The following DNAJC10 variants were observed in gnomAD, a reference collection of about 807,000 sequenced individuals.
DNAJC10 encodes DnaJ heat shock protein family (Hsp40) member C10.
In DNAJC10, 101 loss-of-function variants were observed where a neutral mutation model predicts 115.0. That is an observed-to-expected ratio of 0.88 (90% CI 0.75 to 1.04). The LOEUF is 1.04. Ranked by LOEUF, DNAJC10 falls within the 50% of genes least tolerant of loss-of-function variation. The pLI, the probability that DNAJC10 is intolerant of heterozygous loss-of-function variation, is 0.00. For missense variants in DNAJC10, 981 were observed against 928.8 expected, an observed-to-expected ratio of 1.06 and a Z score of -0.73; for synonymous variants, 307 against 301.5, an observed-to-expected ratio of 1.02 and a Z score of -0.19.
At position 182,780,940 on chromosome 2, in the gene DNAJC10, C is replaced by T. The variant is rs139891774; in HGVS notation, c.*3808C>T. The T allele has an allele frequency of 2.7e-5, 4 of 150,692 alleles. No homozygotes were observed. Among genetic ancestry groups the T allele is most frequent in the African/African-American group, 9.8e-5 (4 of 40,744 alleles). 9.3% of individuals were successfully genotyped at this position (150,692 alleles called of 1,614,324 possible). ...TCCCCAAAAAGGTCTGTGTTAATAA[C>T]TGATAGACAATCTTCATTAAGCAAC... is the stretch of plus-strand genomic sequence containing the variant. On this transcript the variant is annotated 3_prime_UTR_variant, in exon 24 of 24. Coordinates refer to ENST00000264065, the MANE Select transcript of DNAJC10 (RefSeq NM_018981.4).
intron 3 of DNAJC10, among the ~76,000 whole-genome samples, chr2:182,718,928 CAT>C (rs1558993801): frequency 1.3e-5 from 2 of 151,996 alleles, no homozygotes; most frequent in African/African-American, 2.4e-5. Flanking sequence ...AACAAGAAGA[CAT>C]AGTTATAATT....
chr2:182,726,276 GATCTCATTATAATATAATT>G (rs1311362766), intron 5 of DNAJC10, among the ~76,000 whole-genome samples: 2 of 152,070 alleles, frequency 1.3e-5, no homozygotes, highest in Admixed American at 6.5e-5. Context: ...TCATTATAAT[GATCTCATTATAATATAATT>G]ATCTCATTAT....
At chr2:182,731,888 C>A (rs1693456583) in intron 9 of DNAJC10, among the ~76,000 whole-genome samples, 1 of 152,106 alleles carries the variant, frequency 6.6e-6, no homozygotes, top group Non-Finnish European at 1.5e-5. Context: ...TCATTTTGGC[C>A]TATTGCCCAA....
At chr2:182,751,970 A>T (rs1165003835) in intron 15 of DNAJC10, 102 bp from the exon 16 acceptor site, 2 of 1,225,852 alleles carry the variant, frequency 1.6e-6, no homozygotes, top group Non-Finnish European at 1.2e-6. Flanking sequence ...GTTTGCCGCT[A>T]AGTACAGTTT....
chr2:182,748,764 A>T (rs900118422), intron 14 of DNAJC10, among the ~76,000 whole-genome samples: 3 of 151,626 alleles, frequency 2.0e-5, no homozygotes, highest in Admixed American at 6.6e-5. Flanking sequence ...TCAATTTTGG[A>T]TCTTTCCTGC....
At chr2:182,773,265 T>C in intron 22 of DNAJC10, among the ~76,000 whole-genome samples, 1 of 152,204 alleles carries the variant, frequency 6.6e-6, no homozygotes, top group East Asian at 1.9e-4. Context: ...GCCCTTAACA[T>C]TTTTTCCTTC....
intron 5 of DNAJC10, 124 bp from the exon 6 acceptor site, chr2:182,728,450 TGA>T: frequency 1.7e-6 from 1 of 582,530 alleles, no homozygotes; most frequent in Non-Finnish European, 2.9e-6. Context: ...ACACAGAAAA[TGA>T]GAAAGACAAT....
intron 5 of DNAJC10, among the ~76,000 whole-genome samples, chr2:182,725,248 C>G (rs1255854639): frequency 6.6e-6 from 1 of 152,124 alleles, no homozygotes; most frequent in Non-Finnish European, 1.5e-5. Flanking sequence ...TTGGGCCTCC[C>G]TACTCCCTGA....
rs1199148505 is a variant in DNAJC10 at position 182,792,792 on chromosome 2, C to T, written c.*15660C>T. On this transcript the variant is annotated 3_prime_UTR_variant, in exon 24 of 24. Coordinates refer to ENST00000264065, the MANE Select transcript of DNAJC10 (RefSeq NM_018981.4). ...AGCTCAACATGAGCCCCATGTCACT[C>T]AGCAAACATTTATTTGAGTACTTAC... The T allele has an allele frequency of 6.6e-6, 1 of 152,158 alleles. No individual in the cohort carries two copies. The highest frequency in any genetic ancestry group is 1.5e-5 in the Non-Finnish European group (1 of 68,038). The allele number at this position is 152,158 out of a possible 1,614,324, so 9.4% of individuals were successfully genotyped here.
chr2:182,773,776 TC>T (rs1295311030), intron 22 of DNAJC10, among the ~76,000 whole-genome samples: 1 of 152,232 alleles, frequency 6.6e-6, no homozygotes, highest in East Asian at 1.9e-4. Flanking sequence ...GGTTCAAACA[TC>T]CTTCTTTAGC....
rs185027339 is a variant in DNAJC10, at chr2:182,766,561, C to T, written c.2265+3760C>T. ...ATCTCAGATAGCTCTGGCTTTCTTG[C>T]TACCCACAGAGGCCTGGGGCAGGAG... On this transcript the variant is annotated intron_variant, in intron 22 of 23. Coordinates refer to ENST00000264065, the MANE Select transcript of DNAJC10 (RefSeq NM_018981.4). 2.8e-3 allele frequency among the ~76,000 whole-genome samples: 424 copies of T among 152,238 alleles called. 2 individuals carry two copies. Among genetic ancestry groups the T allele is most frequent in the African/African-American group, 0.01 (416 of 41,556 alleles).
intron 10 of DNAJC10, among the ~76,000 whole-genome samples, chr2:182,734,472 C>G (rs1374976699): frequency 6.6e-6 from 1 of 151,428 alleles, no homozygotes; most frequent in African/African-American, 2.4e-5. Context: ...GTTGTTAAGC[C>G]TTGTTTCATG....
At chr2:182,758,736 T>G in intron 19 of DNAJC10, 101 bp from the exon 20 acceptor site, 1 of 825,894 alleles carries the variant, frequency 1.2e-6, no homozygotes, top group Non-Finnish European at 2.0e-6. Context: ...ATGAAATCAA[T>G]CAATATAACT....
Position 182,720,058 on chromosome 2 carries a change from GT to G in DNAJC10, c.257del (p.Val86AspfsTer47). The G allele has an allele frequency of 1.2e-6, 2 of 1,600,446 alleles. No individual in the cohort carries two copies. Among genetic ancestry groups the G allele is most frequent in the East Asian group, 4.5e-5 (2 of 44,688 alleles). ...TTTAAAAATAAATAGAGCATATGAA[GT>G]ACTCAAAGATGAAGATCTACGGAAA... ...DFLKINRAYE[V>X]LKDEDLRKKY... On this transcript the variant is annotated frameshift_variant, in exon 4 of 24. Transcript: ENST00000264065. LOFTEE classifies it high-confidence loss of function.
chr2:182,766,196 C>T (rs1159058124), intron 22 of DNAJC10, among the ~76,000 whole-genome samples: 2 of 152,072 alleles, frequency 1.3e-5, no homozygotes, highest in African/African-American at 2.4e-5. Context: ...AGAATCCAGG[C>T]GTTCTGATGA....
rs113178617 is a variant in DNAJC10 at position 182,730,242 on chromosome 2, T to A, written c.727+301T>A. On this transcript the variant is annotated intron_variant, in intron 8 of 23. Coordinates refer to ENST00000264065, the MANE Select transcript of DNAJC10 (RefSeq NM_018981.4). ...GTAATACAAGTGTTTTATTGCTTTT[T>A]TAAATATGCTTATCAATCAGTAAAT... Among the ~76,000 whole-genome samples, 101 of 152,330 alleles carry A rather than the reference T, an allele frequency of 6.6e-4. 1 individual carries two copies. Among genetic ancestry groups the A allele is most frequent in the African/African-American group, 2.4e-3 (100 of 41,590 alleles).
Position 182,791,333 on chromosome 2 carries a change from G to T in DNAJC10, c.*14201G>T, listed in dbSNP as rs1013894242. 5 of 152,236 alleles carry T rather than the reference G, an allele frequency of 3.3e-5. No individual in the cohort carries two copies. The highest frequency in any genetic ancestry group is 1.2e-4 in the African/African-American group (5 of 41,540). The allele number at this position is 152,236 out of a possible 1,614,324, so 9.4% of individuals were successfully genotyped here. A position where few individuals can be genotyped will look rare whatever the true frequency, so the allele number is the denominator to read the frequency against. ...GCCTCAAAAGTTAAAAATTAAGAGAGATATGTATTCAGGTGGCCATTTATA... is the reference window on the plus strand; with the variant it reads ...GCCTCAAAAGTTAAAAATTAAGAGATATATGTATTCAGGTGGCCATTTATA... On this transcript the variant is annotated 3_prime_UTR_variant, in exon 24 of 24. Coordinates refer to ENST00000264065, the MANE Select transcript of DNAJC10 (RefSeq NM_018981.4).
At position 182,759,223 on chromosome 2, in the gene DNAJC10, GA is replaced by G; in HGVS notation, c.2066del (p.Asn689IlefsTer4). 1 of 1,609,724 alleles carries G rather than the reference GA, an allele frequency of 6.2e-7. No homozygotes were observed. The highest frequency in any genetic ancestry group is 1.1e-5 in the South Asian group (1 of 89,568). On this transcript the variant is annotated frameshift_variant, in exon 21 of 24. Coordinates refer to ENST00000264065, the MANE Select transcript of DNAJC10 (RefSeq NM_018981.4). LOFTEE classifies it high-confidence loss of function. ...CTTTCAGTGAAAAAGTTCTACAAGG[GA>G]AAAATCATTGGGTGATTGATTTCTA... ...QTFSEKVLQG[K>X]NHWVIDFYAP...
intron 20 of DNAJC10, 65 bp from the exon 21 acceptor site, chr2:182,759,095 T>C: frequency 7.3e-7 from 1 of 1,360,544 alleles, no homozygotes; most frequent in Non-Finnish European, 1.0e-6. Flanking sequence ...ATTACAATAT[T>C]ATTGCATTTC....
Sources: gnomAD v4.1 joint callset for allele counts (sites outside exome capture counted in the v4.1 genomes callset) on GRCh38, gnomAD v4.1.1 for gene constraint, MANE v1.5 for transcripts, NCBI Gene and HGNC (gene_info 2026-07-23, HGNC 2026-07-21) for gene names.